The following NDST4 variants were observed in gnomAD, a reference collection of about 807,000 sequenced individuals.
NDST4 encodes N-deacetylase and N-sulfotransferase 4.
NDST4 carries 63 observed loss-of-function variants against 100.8 expected under a neutral mutation model. The observed-to-expected ratio is 0.62, with a 90% CI of 0.51 to 0.77. NDST4 has a LOEUF of 0.77. NDST4 is among the 30% of genes least tolerant of loss of function. NDST4 has a pLI of 0.00. For synonymous variants in NDST4, 377 were observed against 361.8 expected, an observed-to-expected ratio of 1.04 and a Z score of -0.48; for missense variants, 943 against 1,018.4, an observed-to-expected ratio of 0.93 and a Z score of 1.01.
chr4:114,968,499 T>C (rs528547139), intron 4 of NDST4, among the ~76,000 whole-genome samples: 6 of 152,290 alleles, frequency 3.9e-5, no homozygotes, highest in Admixed American at 1.3e-4. Flanking sequence ...GAGCAAACTT[T>C]TTTTTGGTAA....
At chr4:114,983,800 T>C (rs908959124) in intron 2 of NDST4, among the ~76,000 whole-genome samples, 2 of 152,136 alleles carry the variant, frequency 1.3e-5, no homozygotes, top group African/African-American at 4.8e-5. Flanking sequence ...AAATCTCATG[T>C]CAAATTGTAA....
intron 2 of NDST4, among the ~76,000 whole-genome samples, chr4:115,036,209 C>T (rs982700597): frequency 6.6e-6 from 1 of 151,496 alleles, no homozygotes; most frequent in Non-Finnish European, 1.5e-5. Flanking sequence ...TCTAATTTGA[C>T]TACTATATAA....
chr4:115,067,581 A>G (rs1728976863), intron 2 of NDST4, among the ~76,000 whole-genome samples: 1 of 151,600 alleles, frequency 6.6e-6, no homozygotes, highest in Non-Finnish European at 1.5e-5. Context: ...ATTTTATTTT[A>G]TAATAGGTTT....
chr4:115,027,840 G>T (rs1462911742), intron 2 of NDST4, among the ~76,000 whole-genome samples: 3 of 152,110 alleles, frequency 2.0e-5, no homozygotes, highest in African/African-American at 7.2e-5. Flanking sequence ...GATCACCTGA[G>T]ATCAGGAGTT....
chr4:114,970,579 C>T lies in NDST4; in HGVS notation c.1072G>A (p.Glu358Lys). Residue 358 changes from glutamate to lysine, a missense_variant, in exon 4 of 14, where the codon GAA (glutamate) becomes AAA (lysine). Transcript: ENST00000264363. ...AGGTCATCTCCTTCATCTTCCTCTT[C>T]AGTCCCTTTAAAACATAAAGTTAAA... ...FSGKFYHTGT[E>K]EEDEGDDLLL... is the part of the protein sequence containing the mutation. The T allele has an allele frequency of 6.2e-7, 1 of 1,612,054 alleles. No homozygotes were observed. Among genetic ancestry groups the T allele is most frequent in the Non-Finnish European group, 8.5e-7 (1 of 1,178,860 alleles).
At chr4:114,872,326 C>T (rs1178980985) in intron 6 of NDST4, among the ~76,000 whole-genome samples, 1 of 151,952 alleles carries the variant, frequency 6.6e-6, no homozygotes, top group Non-Finnish European at 1.5e-5. Flanking sequence ...AGGTTAAAAA[C>T]ATCTAAACAT....
chr4:114,923,437 T>C (rs1005424350), intron 6 of NDST4, among the ~76,000 whole-genome samples: 20 of 152,170 alleles, frequency 1.3e-4, no homozygotes, highest in African/African-American at 4.8e-4. Flanking sequence ...TTAGGTGTTA[T>C]AAAATTTGTA....
At chr4:114,958,953 T>C (rs996802860) in intron 4 of NDST4, among the ~76,000 whole-genome samples, 1 of 152,172 alleles carries the variant, frequency 6.6e-6, no homozygotes, top group African/African-American at 2.4e-5. Flanking sequence ...TTGAACACTT[T>C]GGTGCTTAGA....
At chr4:115,106,858 T>G (rs910919287) in intron 1 of NDST4, among the ~76,000 whole-genome samples, 2 of 152,028 alleles carry the variant, frequency 1.3e-5, no homozygotes, top group Non-Finnish European at 1.5e-5. Context: ...CTACGTAAGA[T>G]TTAGTAATAG....
chr4:115,007,496 T>C (rs1321876218), intron 2 of NDST4, among the ~76,000 whole-genome samples: 1 of 152,156 alleles, frequency 6.6e-6, no homozygotes, highest in African/African-American at 2.4e-5. Flanking sequence ...AAGGTAATGA[T>C]ACATGTGGAT....
chr4:114,979,398 T>G (rs1038231885), intron 2 of NDST4, among the ~76,000 whole-genome samples: 24 of 150,240 alleles, frequency 1.6e-4, no homozygotes, highest in Admixed American at 4.6e-4. Context: ...GTTACTGGTT[T>G]TTTTTTGCAT....
chr4:114,967,675 T>C (rs1726413518), intron 4 of NDST4, among the ~76,000 whole-genome samples: 1 of 152,140 alleles, frequency 6.6e-6, no homozygotes, highest in African/African-American at 2.4e-5. Context: ...AAGTTTATTT[T>C]TGAAATGGAA....
chr4:115,043,904 C>G (rs1026551451), intron 2 of NDST4, among the ~76,000 whole-genome samples: 3 of 152,016 alleles, frequency 2.0e-5, no homozygotes, highest in Admixed American at 2.0e-4. Context: ...AGATGTTATA[C>G]GACTGGCTTT....
At chr4:114,849,808 A>G (rs935256032) in intron 8 of NDST4, among the ~76,000 whole-genome samples, 1 of 152,242 alleles carries the variant, frequency 6.6e-6, no homozygotes, top group Non-Finnish European at 1.5e-5. Context: ...AGAACTGGTT[A>G]AGAACTAAAT....
chr4:114,852,252 T>C (rs1047440952), intron 8 of NDST4, among the ~76,000 whole-genome samples: 5 of 152,160 alleles, frequency 3.3e-5, no homozygotes, highest in African/African-American at 1.2e-4. Context: ...TGATTAATTT[T>C]TTAAAAGGAA....
chr4:114,937,627 G>A, intron 4 of NDST4, 124 bp from the exon 5 acceptor site: 5 of 759,698 alleles, frequency 6.6e-6, no homozygotes, highest in Non-Finnish European at 1.0e-5. Context: ...TAAAAATCCA[G>A]CAAGGTAGAG....
At chr4:115,051,586 G>A (rs909640635) in intron 2 of NDST4, among the ~76,000 whole-genome samples, 1 of 152,024 alleles carries the variant, frequency 6.6e-6, no homozygotes, top group Non-Finnish European at 1.5e-5. Flanking sequence ...GCTGCAAATG[G>A]GAGGATTTCA....
chr4:115,003,792 C>T (rs541341563), intron 2 of NDST4, among the ~76,000 whole-genome samples: 134 of 151,762 alleles, frequency 8.8e-4, no homozygotes, highest in Non-Finnish European at 7.2e-4. Flanking sequence ...TGCTTGAACC[C>T]GGGAGGTGGA....
intron 2 of NDST4, among the ~76,000 whole-genome samples, chr4:114,991,276 A>G (rs1487655671): frequency 6.6e-6 from 1 of 152,126 alleles, no homozygotes; most frequent in Non-Finnish European, 1.5e-5. Context: ...AATGAAAGTC[A>G]GCCAAAGTAA....
Sources: allele counts gnomAD v4.1 joint callset (sites outside exome capture counted in the v4.1 genomes callset), GRCh38; gene constraint gnomAD v4.1.1; transcripts MANE v1.5; gene names NCBI Gene and HGNC (gene_info 2026-07-23, HGNC 2026-07-21).